Variants in DEPDC5 observed in about 807,000 individuals in gnomAD.
DEPDC5 encodes the protein GATOR1 complex protein DEPDC5.
In DEPDC5, 73 loss-of-function variants were observed where a neutral mutation model predicts 217.3. That is an observed-to-expected ratio of 0.34 (90% CI 0.28 to 0.41). The LOEUF (loss-of-function observed/expected upper bound fraction) is 0.41, where lower values mean the gene tolerates loss of function less well. DEPDC5 is among the 10% of genes least tolerant of loss of function. The probability of loss-of-function intolerance (pLI) is 1.00; values close to 1 mark genes in which losing one functional copy is unlikely to be tolerated. For synonymous variants in DEPDC5, 733 were observed against 756.7 expected (o/e 0.97, Z 0.51); for missense variants, 1,675 against 2,070.1 (o/e 0.81, Z 3.70).
chr22:31,838,404 G>T, intron 26 of DEPDC5, among the ~76,000 whole-genome samples: 1 of 151,970 alleles, frequency 6.6e-6, no homozygotes, highest in Admixed American at 6.6e-5. Flanking sequence ...ACCATACTTG[G>T]TTAATTTTTG....
chr22:31,798,738 T>C (rs2086538918), intron 14 of DEPDC5, 82 bp downstream of exon 14: 1 of 1,356,098 alleles, frequency 7.4e-7, no homozygotes, highest in Non-Finnish European at 1.0e-6. Context: ...ATCCAGACCC[T>C]AAGAGAAGGT....
In DEPDC5 at chr22:31,778,138, C is replaced by T. The variant is rs558913954; in HGVS notation, c.453C>T (p.Val151=). The change falls in exon 8 of 43, where the codon GTC becomes GTT. Residue 151 remains valine (V), a synonymous_variant. Coordinates refer to ENST00000651528, the MANE Select transcript of DEPDC5 (RefSeq NM_001242896.3). ...AACTGTGGGTTAAGAATGAGAAGGT[C>T]ATGTGTGGCTACATCAGTGAAGATA... ...AGELWVKNEK[V]MCGYISEDTR... 2.4e-5 allele frequency: 38 copies of T among 1,614,146 alleles called. No homozygotes were observed. The East Asian group carries it at 6.2e-4, about 26-fold the overall frequency.
chr22:31,861,161 GCTCT>G (rs1056545404), intron 32 of DEPDC5, among the ~76,000 whole-genome samples: 55 of 145,980 alleles, frequency 3.8e-4, no homozygotes, highest in East Asian at 2.2e-3. Context: ...TCTGGGTGGC[GCTCT>G]CTCTCTCTCT....
chr22:31,788,073 C>T (rs1601838640), intron 10 of DEPDC5, among the ~76,000 whole-genome samples: 1 of 151,182 alleles, frequency 6.6e-6, no homozygotes, highest in Non-Finnish European at 1.5e-5. Flanking sequence ...TACTATGTAC[C>T]CATAAAAATT....
chr22:31,785,263 A>T (rs2084864106), intron 10 of DEPDC5, among the ~76,000 whole-genome samples: 2 of 151,022 alleles, frequency 1.3e-5, no homozygotes, highest in Admixed American at 1.3e-4. Flanking sequence ...ATATGTAGAA[A>T]ATCCTCAAAC....
At chr22:31,820,712 C>T (rs1383815217) in intron 22 of DEPDC5, among the ~76,000 whole-genome samples, 3 of 152,154 alleles carry the variant, frequency 2.0e-5, no homozygotes. Context: ...TTTCATGCTT[C>T]TGTGCTTCTC....
intron 18 of DEPDC5, among the ~76,000 whole-genome samples, chr22:31,807,520 C>T (rs1211833550): frequency 2.0e-5 from 3 of 152,170 alleles, no homozygotes; most frequent in Non-Finnish European, 4.4e-5. Context: ...CAACTTCTGC[C>T]TCCCAGGTTC....
chr22:31,849,776 G>A (rs1357773190), intron 31 of DEPDC5, among the ~76,000 whole-genome samples: 2 of 150,642 alleles, frequency 1.3e-5, no homozygotes, highest in Admixed American at 6.6e-5. Flanking sequence ...GCAAGACTCC[G>A]TCTAAAAAAA....
chr22:31,863,754 C>T (rs540791789), intron 33 of DEPDC5, among the ~76,000 whole-genome samples: 1 of 152,204 alleles, frequency 6.6e-6, no homozygotes, highest in Non-Finnish European at 1.5e-5. Flanking sequence ...GAAACCCCAT[C>T]TCTAATAAAA....
intron 21 of DEPDC5, chr22:31,817,052 A>G (rs556036270): frequency 6.4e-6 from 1 of 156,764 alleles, no homozygotes; most frequent in South Asian, 1.9e-4. Flanking sequence ...TATCTCCATC[A>G]TTGTAATGTG....
intron 35 of DEPDC5, 170 bp from the exon 36 acceptor site, chr22:31,874,103 G>C: frequency 9.1e-7 from 1 of 1,104,466 alleles, no homozygotes; most frequent in Non-Finnish European, 1.3e-6. Flanking sequence ...CCCGGTAACA[G>C]TTTCTTTTGT....
At chr22:31,903,192 ACCCCCCTCC>A (rs2093681973) in intron 41 of DEPDC5, among the ~76,000 whole-genome samples, 3 of 32,664 alleles carry the variant, frequency 9.2e-5, no homozygotes, top group East Asian at 8.0e-4. Context: ...TCCACACCTA[ACCCCCCTCC>A]ACCTTCCACA....
intron 10 of DEPDC5, among the ~76,000 whole-genome samples, chr22:31,788,855 C>A (rs913266340): frequency 1.3e-5 from 2 of 151,692 alleles, no homozygotes; most frequent in Non-Finnish European, 2.9e-5. Flanking sequence ...GGATTACAGA[C>A]GTGAGCCTCC....
intron 24 of DEPDC5, among the ~76,000 whole-genome samples, chr22:31,830,625 G>C (rs565092049): frequency 7.6e-6 from 1 of 131,368 alleles, no homozygotes; most frequent in Non-Finnish European, 1.6e-5. Flanking sequence ...CGGGGTATGC[G>C]TGTACGTGTG....
chr22:31,902,391 ATCC>A (rs2093662791), intron 41 of DEPDC5, among the ~76,000 whole-genome samples: 1 of 133,588 alleles, frequency 7.5e-6, no homozygotes. Flanking sequence ...CTTCTCCAGT[ATCC>A]TGTCATCTCC....
chr22:31,800,868 C>G (rs369199786), intron 14 of DEPDC5, among the ~76,000 whole-genome samples: 2 of 151,816 alleles, frequency 1.3e-5, no homozygotes, highest in Non-Finnish European at 2.9e-5. Context: ...CTCAGCTACT[C>G]AGGAGGCTGA....
At position 31,844,796 on chromosome 22, in the gene DEPDC5, C is replaced by T. The variant is rs145105051; in HGVS notation, c.2802-222C>T. The T allele has an allele frequency of 3.2e-3, 1,384 of 435,618 alleles. 24 individuals carry two copies. Among genetic ancestry groups the T allele is most frequent in the African/African-American group, 0.026 (1,188 of 46,016 alleles). The allele number at this position is 435,618 out of a possible 1,614,324, so 27.0% of individuals were successfully genotyped here. ...GTCTCAACTCCTGAGTTCAAGCAAT[C>T]CTCCTGCCTCGGCCTCCCAAAGTGC... On this transcript the variant is annotated intron_variant, in intron 29 of 42. Coordinates refer to ENST00000651528, the MANE Select transcript of DEPDC5 (RefSeq NM_001242896.3).
chr22:31,887,152 C>T (rs1268281431), intron 38 of DEPDC5, among the ~76,000 whole-genome samples: 1 of 147,202 alleles, frequency 6.8e-6, no homozygotes, highest in Non-Finnish European at 1.5e-5. Flanking sequence ...GGCATGTTGG[C>T]TCACGCCTGT....
chr22:31,856,414 T>A (rs1216148059), intron 31 of DEPDC5, among the ~76,000 whole-genome samples: 1 of 152,118 alleles, frequency 6.6e-6, no homozygotes, highest in East Asian at 1.9e-4. Flanking sequence ...AGAAGTAATA[T>A]ATATTATAGT....
Sources: allele counts gnomAD v4.1 joint callset (sites outside exome capture counted in the v4.1 genomes callset), GRCh38; gene constraint gnomAD v4.1.1; transcripts MANE v1.5; gene names NCBI Gene and HGNC (gene_info 2026-07-23, HGNC 2026-07-21).